The following NEDD9 variants were observed in gnomAD, a reference collection of about 807,000 sequenced individuals.
The protein encoded by NEDD9 is enhancer of filamentation 1.
In NEDD9, 26 loss-of-function variants were observed where a neutral mutation model predicts 76.6. The observed-to-expected ratio is 0.34, with a 90% CI of 0.25 to 0.47. The LOEUF (loss-of-function observed/expected upper bound fraction) is 0.47. NEDD9 is among the 20% of genes least tolerant of loss of function. The pLI is 1.00. For missense variants in NEDD9, 937 were observed against 1,058.5 expected (o/e 0.89, Z 1.59); for synonymous variants, 392 against 414.2 (o/e 0.95, Z 0.65).
intron 3 of NEDD9, among the ~76,000 whole-genome samples, chr6:11,273,725 C>T (rs1029963743): frequency 6.6e-6 from 1 of 152,236 alleles, no homozygotes; most frequent in Non-Finnish European, 1.5e-5. Flanking sequence ...ACACCCATGA[C>T]ATGTAGGGCA....
At chr6:11,291,684 C>T (rs1258050612) in intron 3 of NEDD9, among the ~76,000 whole-genome samples, 2 of 152,130 alleles carry the variant, frequency 1.3e-5, no homozygotes, top group African/African-American at 2.4e-5. Context: ...CCCAAGTGGG[C>T]GTTGGATAAT....
At chr6:11,235,889 T>C (rs1759590060), upstream of NEDD9, among the ~76,000 whole-genome samples, 1 of 152,058 alleles carries the variant, frequency 6.6e-6, no homozygotes, top group Admixed American at 6.5e-5. This position sits in a 1 kb window ranked among gnomAD's most constrained non-coding sequence, Gnocchi z 4.1. Flanking sequence ...TTTTCCTGAG[T>C]GTGACATGAA....
intron 3 of NEDD9, among the ~76,000 whole-genome samples, chr6:11,251,103 G>A (rs1392085518): frequency 3.3e-5 from 5 of 152,170 alleles, no homozygotes; most frequent in Admixed American, 3.3e-4. Flanking sequence ...ATACAAAAAT[G>A]TTGTTGTATA....
At chr6:11,260,883 C>A (rs139419753) in intron 3 of NEDD9, among the ~76,000 whole-genome samples, 2 of 144,184 alleles carry the variant, frequency 1.4e-5, no homozygotes, top group African/African-American at 5.5e-5. Context: ...TGTGTGAGCA[C>A]GTGTGTGAGC....
intron 3 of NEDD9, among the ~76,000 whole-genome samples, chr6:11,292,507 A>G (rs531761041): frequency 3.3e-5 from 5 of 152,274 alleles, no homozygotes; most frequent in Non-Finnish European, 5.9e-5. Context: ...TGCAGGCCCA[A>G]TGACTCTTCC....
rs1231704736 is a variant in NEDD9, at chr6:11,199,741, A to G, written c.460-6049T>C. ...AGTGGTGAGATCTCGGCTCACCGCAAGCTCCGCCTCCTGAGTTCACGCCAT... is the reference window on the plus strand; with the variant it reads ...AGTGGTGAGATCTCGGCTCACCGCAGGCTCCGCCTCCTGAGTTCACGCCAT... On this transcript the variant is annotated intron_variant, in intron 2 of 6. Transcript: ENST00000379446. The G allele has an allele frequency of 4.8e-5, 6 of 125,878 alleles. 1 individual carries two copies. The highest frequency in any genetic ancestry group is 1.9e-4 in the African/African-American group (6 of 32,232). The allele number at this position is 125,878 out of a possible 1,614,324, so 7.8% of individuals were successfully genotyped here. A position where few individuals can be genotyped will look rare whatever the true frequency, so the allele number is the denominator to read the frequency against.
In NEDD9 at chr6:11,232,625, C is replaced by G. The variant is rs1210528181; in HGVS notation, c.-110G>C. ...GCGCTAGATGAAAGCGAGAAGGTCC[C>G]GGGCAGAGCCGCTTGTCAGTCGCAG... On this transcript the variant is annotated 5_prime_UTR_variant, in exon 1 of 7. Transcript: ENST00000379446. The G allele has an allele frequency of 8.8e-6, 14 of 1,589,026 alleles. No homozygotes were observed. The highest frequency in any genetic ancestry group is 1.1e-5 in the South Asian group (1 of 89,442).
At position 11,263,184 on chromosome 6, in the gene NEDD9, A is replaced by G. The variant is rs536687925; in HGVS notation, c.12+42808T>C. 2.6e-5 allele frequency among the ~76,000 whole-genome samples: 4 copies of G among 152,364 alleles called. No individual in the cohort carries two copies. In the South Asian group the frequency reaches 8.3e-4, roughly 32 times the overall value. On this transcript the variant is annotated intron_variant, in intron 3 of 3. Transcript: ENST00000397378. ...AACCATTGTTTGAATGTTAAAATTCATTTAAATCAGATAACCAGGCAGGAT... is the reference window on the plus strand; with the variant it reads ...AACCATTGTTTGAATGTTAAAATTCGTTTAAATCAGATAACCAGGCAGGAT...
At position 11,276,783 on chromosome 6, in the gene NEDD9, A is replaced by G. The variant is rs1453290933; in HGVS notation, c.12+29209T>C. Among the ~76,000 whole-genome samples, 6 of 152,302 alleles carry G rather than the reference A, an allele frequency of 3.9e-5. No individual in the cohort carries two copies. In the East Asian group the frequency reaches 1.2e-3, roughly 29 times the overall value. ...AGTAGTAACATGTGCCAGGCTTCCA[A>G]GGGAAAACAGAGCCAAATAGTGGCC... On this transcript the variant is annotated intron_variant, in intron 3 of 3. Coordinates refer to the NEDD9 transcript ENST00000397378.
At chr6:11,293,863 C>T (rs1760830560) in intron 3 of NEDD9, among the ~76,000 whole-genome samples, 1 of 152,042 alleles carries the variant, frequency 6.6e-6, no homozygotes, top group African/African-American at 2.4e-5. Context: ...TTTTAGATGC[C>T]ATATATAAAG....
intron 3 of NEDD9, among the ~76,000 whole-genome samples, chr6:11,278,137 C>T (rs1041897107): frequency 6.6e-6 from 1 of 152,180 alleles, no homozygotes; most frequent in Admixed American, 6.6e-5. Flanking sequence ...CTTCCCCTCC[C>T]GCTTCCTGTC....
At chr6:11,292,260 C>T (rs543949572) in intron 3 of NEDD9, among the ~76,000 whole-genome samples, 8 of 152,274 alleles carry the variant, frequency 5.3e-5, no homozygotes, top group Non-Finnish European at 7.4e-5. Flanking sequence ...TCAAGAAAAG[C>T]GTCTGGTAGG....
chr6:11,350,740 C>A (rs561065650), intron 1 of NEDD9, among the ~76,000 whole-genome samples: 1 of 152,144 alleles, frequency 6.6e-6, no homozygotes, highest in Non-Finnish European at 1.5e-5. Flanking sequence ...GACTAAGACA[C>A]TGAACAAGGC....
At chr6:11,220,184 A>G (rs6457107) in intron 1 of NEDD9, among the ~76,000 whole-genome samples, 136,453 of 152,174 alleles carry the variant, frequency 0.9, 61,230 homozygotes, top group East Asian at 1. Context: ...CACTGCTGAG[A>G]GGTGTTCAAC....
chr6:11,300,090 T>C (rs922045356), intron 3 of NEDD9, among the ~76,000 whole-genome samples: 11 of 152,100 alleles, frequency 7.2e-5, no homozygotes, highest in African/African-American at 2.7e-4. Flanking sequence ...TTCTAACCCA[T>C]TGCAAGGAAG....
intron 3 of NEDD9, among the ~76,000 whole-genome samples, chr6:11,287,773 A>G (rs2327393): frequency 0.35 from 53,515 of 152,084 alleles, 10,549 homozygotes; most frequent in African/African-American, 0.55. Context: ...GAGTAGCAAA[A>G]GGATAAGGTT....
chr6:11,194,196 G>GA (rs905175573), intron 2 of NEDD9, among the ~76,000 whole-genome samples: 5 of 151,642 alleles, frequency 3.3e-5, no homozygotes, highest in African/African-American at 7.3e-5. Context: ...ATCCCAATGA[G>GA]AAAAAAAATC....
chr6:11,263,490 A>T (rs1218874671), intron 3 of NEDD9, among the ~76,000 whole-genome samples: 1 of 151,920 alleles, frequency 6.6e-6, no homozygotes, highest in Admixed American at 6.5e-5. Flanking sequence ...ATCGTCTAGA[A>T]TTCCTTTAGT....
chr6:11,293,512 T>C (rs1760823297), intron 3 of NEDD9, among the ~76,000 whole-genome samples: 1 of 152,194 alleles, frequency 6.6e-6, no homozygotes, highest in Admixed American at 6.5e-5. Flanking sequence ...ATAAAAATTG[T>C]ATATAGTTAC....
Sources: gnomAD v4.1 joint callset for allele counts (sites outside exome capture counted in the v4.1 genomes callset) on GRCh38, gnomAD v4.1.1 for gene constraint, Gnocchi (gnomAD v3.1) non-coding constraint, MANE v1.5 for transcripts, NCBI Gene and HGNC (gene_info 2026-07-23, HGNC 2026-07-21) for gene names.